SMAP1: variants seen among roughly 807,000 people sequenced by gnomAD.
SMAP1 encodes stromal membrane-associated protein 1.
SMAP1 carries 24 observed loss-of-function variants against 58.5 expected under a neutral mutation model. The ratio of observed to expected loss-of-function variants is 0.41; its 90% CI spans 0.30 to 0.58. The LOEUF is 0.58. SMAP1 is among the 20% of genes least tolerant of loss of function. The probability of loss-of-function intolerance (pLI) is 0.29; values close to 1 mark genes in which losing one functional copy is unlikely to be tolerated. For missense variants in SMAP1, 563 were observed against 566.3 expected (o/e 0.99, Z 0.06); for synonymous variants, 216 against 196.6 (o/e 1.10, Z -0.82).
In SMAP1 at chr6:70,837,041, A is replaced by C; in HGVS notation, c.664+13A>C. 1.3e-6 allele frequency: 2 copies of C among 1,550,170 alleles called. No individual in the cohort carries two copies. Among genetic ancestry groups the C allele is most frequent in the Non-Finnish European group, 1.7e-6 (2 of 1,148,960 alleles). On this transcript the variant is annotated intron_variant, in intron 7 of 10. Coordinates refer to ENST00000370455, the MANE Select transcript of SMAP1 (RefSeq NM_001044305.3). ...CTTTTAGGACTTGGTAAGTAATAAA[A>C]AATAAAAGTCACTGCTGGAGTTACA...
chr6:70,789,539 T>G (rs939005661), intron 4 of SMAP1, among the ~76,000 whole-genome samples: 2 of 151,872 alleles, frequency 1.3e-5, no homozygotes, highest in Non-Finnish European at 2.9e-5. Context: ...CTTCTTAAGT[T>G]TGTTTTCTTT....
At chr6:70,809,831 GA>G (rs912691516) in intron 6 of SMAP1, among the ~76,000 whole-genome samples, 19 of 152,126 alleles carry the variant, frequency 1.2e-4, no homozygotes, top group African/African-American at 4.6e-4. Context: ...GCTAGATCTT[GA>G]AGATTAGTTT....
At chr6:70,823,118 A>G (rs770570661) in intron 6 of SMAP1, among the ~76,000 whole-genome samples, 12 of 152,350 alleles carry the variant, frequency 7.9e-5, no homozygotes, top group Non-Finnish European at 1.5e-4. Flanking sequence ...CATATCTGCC[A>G]TAATTGAGTA....
intron 6 of SMAP1, among the ~76,000 whole-genome samples, chr6:70,799,222 G>A (rs1190131786): frequency 6.6e-6 from 1 of 152,150 alleles, no homozygotes; most frequent in Non-Finnish European, 1.5e-5. Context: ...TAGTGAATTT[G>A]AAGAAAGGGA....
chr6:70,740,321 A>G (rs1335224440), intron 2 of SMAP1, among the ~76,000 whole-genome samples: 2 of 152,086 alleles, frequency 1.3e-5, no homozygotes, highest in Non-Finnish European at 2.9e-5. Flanking sequence ...GCAATTTGGG[A>G]GGCCAAGGTG....
intron 3 of SMAP1, among the ~76,000 whole-genome samples, chr6:70,757,742 C>T (rs1210901356): frequency 8.6e-5 from 13 of 151,926 alleles, no homozygotes; most frequent in Non-Finnish European, 1.9e-4. Flanking sequence ...AAGAAGACAT[C>T]TATGCAGCCA....
intron 6 of SMAP1, among the ~76,000 whole-genome samples, chr6:70,832,184 C>A (rs1450468170): frequency 6.6e-6 from 1 of 152,122 alleles, no homozygotes; most frequent in African/African-American, 2.4e-5. Context: ...GCATACTTAG[C>A]AAAAATTTTC....
At chr6:70,755,836 G>A (rs1766465393) in intron 3 of SMAP1, among the ~76,000 whole-genome samples, 1 of 144,872 alleles carries the variant, frequency 6.9e-6, no homozygotes, top group Non-Finnish European at 1.6e-5. Flanking sequence ...TTATATAGTA[G>A]TTATATTTAT....
At chr6:70,709,428 T>C (rs572263229) in intron 1 of SMAP1, among the ~76,000 whole-genome samples, 3 of 152,126 alleles carry the variant, frequency 2.0e-5, no homozygotes. Flanking sequence ...AGCCTTGACT[T>C]CCTTGCTCAA....
chr6:70,839,174 T>C (rs1284534689), intron 7 of SMAP1, among the ~76,000 whole-genome samples: 3 of 152,246 alleles, frequency 2.0e-5, no homozygotes, highest in African/African-American at 7.2e-5. Context: ...GTGGGTCAGC[T>C]AGGGCAGCTC....
chr6:70,713,589 ATTG>A (rs569820633), intron 1 of SMAP1, among the ~76,000 whole-genome samples: 1 of 151,990 alleles, frequency 6.6e-6, no homozygotes, highest in Non-Finnish European at 1.5e-5. Context: ...GTTCAATTCC[ATTG>A]TTGTTGGACA....
In SMAP1 at chr6:70,727,010, C is replaced by G. The variant is rs184189698; in HGVS notation, c.119-5368C>G. 4.5e-3 allele frequency among the ~76,000 whole-genome samples: 678 copies of G among 151,946 alleles called. 3 individuals carry two copies. The highest frequency in any genetic ancestry group is 0.032 in the South Asian group (154 of 4,808). ...TATATATTACAGTATAGCTGAAACT[C>G]TTCAAGATGGGGGGGGCACTGTTCA... On this transcript the variant is annotated intron_variant, in intron 1 of 10. Transcript: ENST00000370455.
intron 4 of SMAP1, among the ~76,000 whole-genome samples, chr6:70,777,076 A>G (rs1467926484): frequency 6.6e-6 from 1 of 152,224 alleles, no homozygotes; most frequent in African/African-American, 2.4e-5. Context: ...TATTATCCAT[A>G]GTGGCTGTAC....
At chr6:70,759,911 A>T (rs543353449) in intron 3 of SMAP1, 1 of 434,004 alleles carries the variant, frequency 2.3e-6, no homozygotes, top group East Asian at 7.0e-5. Flanking sequence ...TGACCATGGC[A>T]TTTTATGTAC....
chr6:70,735,697 A>G (rs754571540), intron 2 of SMAP1, among the ~76,000 whole-genome samples: 3 of 152,208 alleles, frequency 2.0e-5, no homozygotes, highest in African/African-American at 7.2e-5. Flanking sequence ...TGAGCCTGGC[A>G]GGTGGAGCTT....
chr6:70,849,685 G>A (rs957700043), intron 7 of SMAP1, among the ~76,000 whole-genome samples: 1 of 152,096 alleles, frequency 6.6e-6, no homozygotes, highest in Non-Finnish European at 1.5e-5. Flanking sequence ...ATATAAAGAA[G>A]ACTATTTTTG....
At chr6:70,851,610 T>G (rs2150009015) in intron 7 of SMAP1, among the ~76,000 whole-genome samples, 1 of 152,310 alleles carries the variant, frequency 6.6e-6, no homozygotes, top group East Asian at 1.9e-4. Flanking sequence ...AACTGAACCT[T>G]GTGAGATGTT....
At chr6:70,700,390 C>G (rs1333585947) in intron 1 of SMAP1, among the ~76,000 whole-genome samples, 1 of 152,166 alleles carries the variant, frequency 6.6e-6, no homozygotes, top group Non-Finnish European at 1.5e-5. Context: ...CCTCCATTTC[C>G]CAGGTTCAAG....
chr6:70,710,045 CTG>C (rs1382000116), intron 1 of SMAP1, among the ~76,000 whole-genome samples: 3 of 152,116 alleles, frequency 2.0e-5, no homozygotes, highest in Non-Finnish European at 2.9e-5. Context: ...CTAGCTGTCT[CTG>C]TGTCTAGGCT....
Sources: gnomAD v4.1 joint callset for allele counts (sites outside exome capture counted in the v4.1 genomes callset) on GRCh38, gnomAD v4.1.1 for gene constraint, MANE v1.5 for transcripts, NCBI Gene and HGNC (gene_info 2026-07-23, HGNC 2026-07-21) for gene names.